SEMA6D: variants seen among roughly 807,000 people sequenced by gnomAD.
SEMA6D encodes semaphorin 6D, also known as semaphorin-6D.
A neutral mutation model predicts 106.6 loss-of-function variants in SEMA6D; 35 were observed. That is an observed-to-expected ratio of 0.33 (90% CI 0.25 to 0.44). The LOEUF (loss-of-function observed/expected upper bound fraction) is 0.44. Ranked by LOEUF, SEMA6D falls within the 20% of genes least tolerant of loss-of-function variation. The pLI is 1.00. For missense variants in SEMA6D, 1,185 were observed against 1,345.9 expected, an observed-to-expected ratio of 0.88 and a Z score of 1.87; for synonymous variants, 499 against 487.7, an observed-to-expected ratio of 1.02 and a Z score of -0.31.
chr15:47,593,118 G>T (rs2076469291), intron 3 of SEMA6D, among the ~76,000 whole-genome samples: 1 of 152,094 alleles, frequency 6.6e-6, no homozygotes, highest in Non-Finnish European at 1.5e-5. Context: ...GTCAAAAAAA[G>T]ATCTGGCTGG....
At chr15:47,525,207 G>A (rs1401138829) in intron 3 of SEMA6D, 1 of 152,204 alleles carries the variant, frequency 6.6e-6, no homozygotes. Context: ...AGATAGAGAA[G>A]ATGAAAAGTG....
chr15:47,741,300 C>A (rs1463504466), intron 1 of SEMA6D, among the ~76,000 whole-genome samples: 1 of 152,200 alleles, frequency 6.6e-6, no homozygotes, highest in Non-Finnish European at 1.5e-5. Flanking sequence ...CTAGGGGGTG[C>A]TTATTCTTAG....
intron 1 of SEMA6D, among the ~76,000 whole-genome samples, chr15:47,346,362 C>T (rs558519048): frequency 6.6e-6 from 1 of 152,230 alleles, no homozygotes; most frequent in African/African-American, 2.4e-5. Flanking sequence ...GTTTTGTCTC[C>T]ATTTGTTCCA....
intron 4 of SEMA6D, among the ~76,000 whole-genome samples, chr15:47,601,967 G>A (rs1381482724): frequency 2.0e-5 from 3 of 152,072 alleles, no homozygotes; most frequent in Admixed American, 2.0e-4. Context: ...GTCGCTGTTT[G>A]TACATAATAA....
At chr15:47,623,162 A>G (rs1017119528) in intron 4 of SEMA6D, among the ~76,000 whole-genome samples, 3 of 152,184 alleles carry the variant, frequency 2.0e-5, no homozygotes, top group East Asian at 1.9e-4. Flanking sequence ...AGTTTTGTCC[A>G]TGCTTCTTAT....
At chr15:47,731,493 A>C (rs1328917903) in intron 1 of SEMA6D, among the ~76,000 whole-genome samples, 1 of 152,222 alleles carries the variant, frequency 6.6e-6, no homozygotes, top group African/African-American at 2.4e-5. Flanking sequence ...TCTATGAAAA[A>C]GGGAGAGTGT....
At chr15:47,578,913 A>C (rs2076205439) in intron 3 of SEMA6D, among the ~76,000 whole-genome samples, 2 of 152,220 alleles carry the variant, frequency 1.3e-5, no homozygotes, top group Non-Finnish European at 2.9e-5. Context: ...CTTGTGAAAT[A>C]ATCAAAAACA....
rs78470223 is a variant in SEMA6D at position 47,661,574 on chromosome 15, C to A, written c.-55+60678C>A. 4.2e-3 allele frequency among the ~76,000 whole-genome samples: 645 copies of A among 152,284 alleles called. 2 individuals are homozygous for A. Among genetic ancestry groups the A allele is most frequent in the Admixed American group, 9.9e-3 (151 of 15,306 alleles). On this transcript the variant is annotated intron_variant, in intron 4 of 19. Transcript: ENST00000558014. ...AGAAAAACAGTATTAGTGAAAAGCTCATTCCAGGAAGTGAACAGAGGAACT... is the reference window on the plus strand; with the variant it reads ...AGAAAAACAGTATTAGTGAAAAGCTAATTCCAGGAAGTGAACAGAGGAACT...
At chr15:47,352,884 T>C (rs1567019842) in intron 1 of SEMA6D, among the ~76,000 whole-genome samples, 1 of 152,186 alleles carries the variant, frequency 6.6e-6, no homozygotes, top group Non-Finnish European at 1.5e-5. Context: ...TAACATCATG[T>C]AGATACAACA....
At chr15:47,348,297 T>A (rs1195608298) in intron 1 of SEMA6D, among the ~76,000 whole-genome samples, 1 of 152,112 alleles carries the variant, frequency 6.6e-6, no homozygotes, top group Non-Finnish European at 1.5e-5. Flanking sequence ...ACCTAACATC[T>A]CTCTTCCTCT....
intron 1 of SEMA6D, among the ~76,000 whole-genome samples, chr15:47,297,732 A>T (rs1179122229): frequency 6.6e-6 from 1 of 152,144 alleles, no homozygotes; most frequent in Admixed American, 6.6e-5. Context: ...AATACTGATG[A>T]GGTAGAGTTA....
intron 1 of SEMA6D, among the ~76,000 whole-genome samples, chr15:47,198,937 G>A (rs1313180823): frequency 1.3e-5 from 2 of 152,138 alleles, no homozygotes; most frequent in Non-Finnish European, 2.9e-5. Context: ...TTCCTGGGAA[G>A]GAACTTCCCT....
intron 1 of SEMA6D, among the ~76,000 whole-genome samples, chr15:47,370,501 A>T (rs879316218): frequency 6.9e-6 from 1 of 144,164 alleles, no homozygotes; most frequent in African/African-American, 2.6e-5. Flanking sequence ...GGTGACAGAG[A>T]CAGACTCTGT....
chr15:47,282,828 C>T (rs561906733), intron 1 of SEMA6D, among the ~76,000 whole-genome samples: 48 of 152,250 alleles, frequency 3.2e-4, no homozygotes, highest in African/African-American at 1.1e-3. Context: ...CTCAAACCAT[C>T]TTTTCCCTTT....
intron 1 of SEMA6D, among the ~76,000 whole-genome samples, chr15:47,348,558 T>G (rs2038137011): frequency 6.6e-6 from 1 of 151,972 alleles, no homozygotes; most frequent in Non-Finnish European, 1.5e-5. Flanking sequence ...TTCTACTTAA[T>G]CTGTATTACT....
At chr15:47,659,805 C>A (rs2145162755) in intron 4 of SEMA6D, among the ~76,000 whole-genome samples, 1 of 152,106 alleles carries the variant, frequency 6.6e-6, no homozygotes, top group Admixed American at 6.5e-5. Flanking sequence ...GATGTTTAAC[C>A]TCACAATTTA....
chr15:47,236,810 T>C (rs2032574672), intron 1 of SEMA6D, among the ~76,000 whole-genome samples: 1 of 152,194 alleles, frequency 6.6e-6, no homozygotes, highest in Non-Finnish European at 1.5e-5. Flanking sequence ...GGACATAGAT[T>C]ATGAAGCAAC....
At chr15:47,391,560 A>G (rs1032996869) in intron 1 of SEMA6D, among the ~76,000 whole-genome samples, 11 of 152,186 alleles carry the variant, frequency 7.2e-5, no homozygotes, top group Admixed American at 1.3e-4. Context: ...CTGAATTGCA[A>G]TAAACTCACA....
intron 1 of SEMA6D, among the ~76,000 whole-genome samples, chr15:47,298,025 C>T (rs1000466825): frequency 2.0e-5 from 3 of 152,130 alleles, no homozygotes; most frequent in South Asian, 2.1e-4. Context: ...GTAAGAGTTT[C>T]GGATTTTACT....
Sources: allele counts gnomAD v4.1 joint callset (sites outside exome capture counted in the v4.1 genomes callset), GRCh38; gene constraint gnomAD v4.1.1; transcripts MANE v1.5; gene names NCBI Gene and HGNC (gene_info 2026-07-23, HGNC 2026-07-21).